Variants in ANKS1B observed in about 807,000 individuals in gnomAD.
ANKS1B encodes the protein ankyrin repeat and sterile alpha motif domain containing 1B.
ANKS1B carries 36 observed loss-of-function variants against 148.3 expected under a neutral mutation model. That is an observed-to-expected ratio of 0.24 (90% CI 0.19 to 0.32). The LOEUF is 0.32. ANKS1B is among the 10% of genes least tolerant of loss of function. ANKS1B has a pLI of 1.00. For synonymous variants in ANKS1B, 542 were observed against 560.8 expected (o/e 0.97, Z 0.47); for missense variants, 1,157 against 1,542.6 (o/e 0.75, Z 4.19).
rs948896304 is a variant in ANKS1B at position 99,427,674 on chromosome 12, G to T, written c.1575+15999C>A. On this transcript the variant is annotated intron_variant, in intron 11 of 26. Transcript: ENST00000683438. ...CTCCTTGAGGACAGTGAACTCTTTT[G>T]TCTTGCTCACTGTTATTACCTGTAC... Among the ~76,000 whole-genome samples, 5 of 152,120 alleles carry T rather than the reference G, an allele frequency of 3.3e-5. No individual in the cohort carries two copies. The East Asian group carries it at 9.6e-4, about 29-fold the overall frequency.
intron 23 of ANKS1B, 65 bp downstream of exon 23, chr12:98,782,061 C>T (rs2098742320): frequency 6.8e-6 from 9 of 1,328,434 alleles, no homozygotes; most frequent in Middle Eastern, 1.8e-4. Flanking sequence ...CACCAGCAGT[C>T]AGTTTACTTC....
intron 17 of ANKS1B, among the ~76,000 whole-genome samples, chr12:98,982,220 A>G (rs1275475865): frequency 6.6e-5 from 10 of 152,206 alleles, no homozygotes; most frequent in African/African-American, 2.4e-4. Context: ...CTGAAACTTT[A>G]ATGTGCAAAC....
chr12:99,112,199 T>C (rs961806492), intron 15 of ANKS1B, among the ~76,000 whole-genome samples: 9 of 152,180 alleles, frequency 5.9e-5, no homozygotes, highest in African/African-American at 2.2e-4. Context: ...TTGAGGCTTC[T>C]GGCATCAGAA....
At chr12:99,479,900 C>T (rs539802984) in intron 10 of ANKS1B, among the ~76,000 whole-genome samples, 49 of 151,940 alleles carry the variant, frequency 3.2e-4, no homozygotes, top group African/African-American at 1.0e-3. Context: ...AATGTTCTCA[C>T]TACAAATAAA....
chr12:98,836,234 G>A (rs2099362185), intron 17 of ANKS1B, among the ~76,000 whole-genome samples: 1 of 152,084 alleles, frequency 6.6e-6, no homozygotes, highest in Admixed American at 6.5e-5. Flanking sequence ...CATGTTTAAA[G>A]CATTTATATA....
chr12:99,489,221 G>A (rs2096531932), intron 10 of ANKS1B, among the ~76,000 whole-genome samples: 1 of 143,276 alleles, frequency 7.0e-6, no homozygotes, highest in Admixed American at 7.2e-5. Context: ...CAGCCTGGGT[G>A]ATAGAGCAAG....
intron 1 of ANKS1B, among the ~76,000 whole-genome samples, chr12:99,863,661 G>A (rs566819396): frequency 6.6e-6 from 1 of 151,962 alleles, no homozygotes; most frequent in African/African-American, 2.4e-5. Context: ...GTTGCAGTGA[G>A]CCAAGATTGC....
intron 17 of ANKS1B, among the ~76,000 whole-genome samples, chr12:99,039,049 G>C (rs764164822): frequency 2.0e-5 from 3 of 152,178 alleles, no homozygotes; most frequent in Non-Finnish European, 4.4e-5. Context: ...TGCATTTCTA[G>C]AGACTAGAAC....
intron 26 of ANKS1B, among the ~76,000 whole-genome samples, chr12:98,748,172 T>G (rs1178158057): frequency 6.6e-6 from 1 of 152,164 alleles, no homozygotes; most frequent in Non-Finnish European, 1.5e-5. Flanking sequence ...CATTACATAT[T>G]GTATACATGT....
rs536709713 is a variant in ANKS1B at position 99,875,936 on chromosome 12, G to A, written c.135-50547C>T. 7.9e-5 allele frequency among the ~76,000 whole-genome samples: 12 copies of A among 152,228 alleles called. No individual in the cohort carries two copies. In the East Asian group the frequency reaches 1.7e-3, roughly 22 times the overall value. ...AAGTATCAAGATGTAGGAAGCAGTC[G>A]CATTATACACGGATTTTAAGGTGTA... On this transcript the variant is annotated intron_variant, in intron 1 of 26. Coordinates refer to ENST00000683438, the MANE Select transcript of ANKS1B (RefSeq NM_001352186.2).
intron 2 of ANKS1B, among the ~76,000 whole-genome samples, chr12:99,818,815 T>A (rs2082174304): frequency 2.6e-5 from 4 of 151,872 alleles, no homozygotes; most frequent in Admixed American, 2.6e-4. Context: ...GTATTGACTT[T>A]TGCTGCTATA....
chr12:98,922,478 T>C (rs2099802731), intron 17 of ANKS1B, among the ~76,000 whole-genome samples: 1 of 152,146 alleles, frequency 6.6e-6, no homozygotes, highest in African/African-American at 2.4e-5. Flanking sequence ...AATGTAACTG[T>C]TTCTTAAGGT....
intron 9 of ANKS1B, among the ~76,000 whole-genome samples, chr12:99,642,299 T>C (rs1229270819): frequency 6.6e-6 from 1 of 152,248 alleles, no homozygotes; most frequent in Non-Finnish European, 1.5e-5. Flanking sequence ...TACAGGCATA[T>C]TCTCCTTGAG....
At chr12:99,275,816 T>C (rs2077602827) in intron 12 of ANKS1B, among the ~76,000 whole-genome samples, 1 of 152,200 alleles carries the variant, frequency 6.6e-6, no homozygotes, top group Non-Finnish European at 1.5e-5. Flanking sequence ...AATGTATAGA[T>C]GGAAAGATGT....
At chr12:99,820,390 G>T (rs1206488443) in intron 2 of ANKS1B, among the ~76,000 whole-genome samples, 2 of 151,890 alleles carry the variant, frequency 1.3e-5, no homozygotes, top group African/African-American at 4.8e-5. Context: ...TGGGGGTAGG[G>T]GGACAGTTTG....
chr12:99,031,808 A>C (rs1465672674), intron 17 of ANKS1B, among the ~76,000 whole-genome samples: 2 of 152,186 alleles, frequency 1.3e-5, no homozygotes, highest in Admixed American at 1.3e-4. Context: ...CTTGCCAACC[A>C]ACACAATTCA....
intron 9 of ANKS1B, among the ~76,000 whole-genome samples, chr12:99,545,596 G>A (rs1171941503): frequency 6.6e-6 from 1 of 151,834 alleles, no homozygotes; most frequent in Non-Finnish European, 1.5e-5. Context: ...AGTTTGATTA[G>A]CTTCGTCATA....
intron 12 of ANKS1B, among the ~76,000 whole-genome samples, chr12:99,324,010 A>G (rs2085828367): frequency 6.6e-6 from 1 of 152,098 alleles, no homozygotes. Context: ...TCCACACATA[A>G]TTGTATTAGT....
chr12:98,812,026 T>C (rs1290551281), intron 19 of ANKS1B, among the ~76,000 whole-genome samples: 4 of 152,248 alleles, frequency 2.6e-5, no homozygotes, highest in Middle Eastern at 3.2e-3. Flanking sequence ...TGAGAGTTCA[T>C]ACATGGCTTA....
Sources: allele counts gnomAD v4.1 joint callset (sites outside exome capture counted in the v4.1 genomes callset), GRCh38; gene constraint gnomAD v4.1.1; transcripts MANE v1.5; gene names NCBI Gene and HGNC (gene_info 2026-07-23, HGNC 2026-07-21).